TMIGD2: variants seen among roughly 807,000 people sequenced by gnomAD.
The protein encoded by TMIGD2 is transmembrane and immunoglobulin domain containing 2, also known as transmembrane and immunoglobulin domain-containing protein 2.
TMIGD2 carries 18 observed loss-of-function variants against 22.6 expected under a neutral mutation model. The observed-to-expected ratio is 0.80, with a 90% CI of 0.55 to 1.18. TMIGD2 has a LOEUF of 1.18. TMIGD2 is among the 50% of genes most tolerant of loss of function. TMIGD2 has a pLI of 0.00. For synonymous variants in TMIGD2, 184 were observed against 154.1 expected, an observed-to-expected ratio of 1.19 and a Z score of -1.44; for missense variants, 361 against 378.2, an observed-to-expected ratio of 0.95 and a Z score of 0.38.
chr19:4,298,958 A>G (rs1467116578), intron 1 of TMIGD2, among the ~76,000 whole-genome samples: 2 of 152,124 alleles, frequency 1.3e-5, no homozygotes, highest in Non-Finnish European at 2.9e-5. Context: ...AGGCATGACC[A>G]AAACAGATGA....
At chr19:4,298,154 C>A (rs1190320330) in exon 2 of TMIGD2, 2 of 1,613,274 alleles carry the variant, frequency 1.2e-6, no homozygotes, top group Non-Finnish European at 1.7e-6. Context: ...GGCCCGCAGA[C>A]CCCCAGGCTG....
intron 4 of TMIGD2, among the ~76,000 whole-genome samples, chr19:4,294,136 T>C (rs8103814): frequency 0.2 from 29,598 of 149,680 alleles, 4,111 homozygotes; most frequent in African/African-American, 0.4. Context: ...GGCGCGATCT[T>C]GGCTCACTGC....
rs1361272986 is a variant in TMIGD2 at position 4,300,790 on chromosome 19, G to A, written c.46+1550C>T. ...GTGCCTGGCGTGTTGGAGGAACAGC[G>A]AGGAGGCCCGTGTGGCTGGAGCAGA... On this transcript the variant is annotated intron_variant, in intron 1 of 4. Coordinates refer to ENST00000301272, the Ensembl canonical transcript of TMIGD2. Among the ~76,000 whole-genome samples the A allele has an allele frequency of 3.9e-5, 6 of 152,202 alleles. No homozygotes were observed. The East Asian group carries it at 1.2e-3, about 29-fold the overall frequency.
chr19:4,292,660 GGA>G lies in TMIGD2; in HGVS notation c.786_787del (p.Pro263Ter). On this transcript the variant is annotated frameshift_variant, in exon 5 of 5. Coordinates refer to ENST00000301272, the Ensembl canonical transcript of TMIGD2. LOFTEE classifies it low-confidence loss of function (END_TRUNC). ...CGGCTGCTGGGTGGGGCTTGGTCTA[GGA>G]GAGACCCTGACCATAGAGACGGGGT... 1.2e-6 allele frequency: 2 copies of G among 1,609,912 alleles called. No individual in the cohort carries two copies. Among genetic ancestry groups the G allele is most frequent in the Non-Finnish European group, 1.7e-6 (2 of 1,178,764 alleles).
intron 2 of TMIGD2, among the ~76,000 whole-genome samples, chr19:4,296,875 C>T (rs945050443): frequency 6.6e-5 from 10 of 152,172 alleles, no homozygotes; most frequent in Non-Finnish European, 1.3e-4. Context: ...TTGGGTTTCC[C>T]GATTCTGCCC....
Position 4,294,560 on chromosome 19 carries a change from C to G in TMIGD2, c.562+7G>C, listed in dbSNP as rs1288554932. On this transcript the variant is annotated splice_region_variant and intron_variant, in intron 4 of 4. Coordinates refer to ENST00000301272, the Ensembl canonical transcript of TMIGD2. The stretch of plus-strand genomic sequence containing the variant: ...GTTCCCACCTCCTCCGCCCTACCCT[C>G]CCTTACCTGGGCTGTTACCTGAGTC... 1 of 1,611,606 alleles carries G rather than the reference C, an allele frequency of 6.2e-7. No homozygotes were observed. Among genetic ancestry groups the G allele is most frequent in the Non-Finnish European group, 8.5e-7 (1 of 1,179,004 alleles).
chr19:4,294,759 A>G lies in TMIGD2; in HGVS notation c.448+16T>C. On this transcript the variant is annotated intron_variant, in intron 3 of 4. Transcript: ENST00000301272. ...GGGTGGAAGACGCTGGGGGAGGAAC[A>G]CAGGGCAGGGCTCACCTGGGAAGCT... 6.3e-7 allele frequency: 1 copy of G among 1,584,912 alleles called. No homozygotes were observed. The highest frequency in any genetic ancestry group is 8.6e-7 in the Non-Finnish European group (1 of 1,166,128).
exon 2 of TMIGD2, chr19:4,298,304 T>C (rs753560357): frequency 1.2e-6 from 2 of 1,602,424 alleles, no homozygotes; most frequent in East Asian, 4.5e-5. Context: ...TGCAGCAAGT[T>C]GGGCCCCTGC....
In TMIGD2 at chr19:4,297,469, A is replaced by G. The variant is rs151133673; in HGVS notation, c.406+517T>C. On this transcript the variant is annotated intron_variant, in intron 2 of 4. Coordinates refer to ENST00000301272, the Ensembl canonical transcript of TMIGD2. ...ACTGCAGCCTCCAGCTCCTGGGCTC[A>G]GGTGATCCTCTTGCCTTAGCCTCCC... 2.6e-3 allele frequency among the ~76,000 whole-genome samples: 397 copies of G among 152,290 alleles called. 1 individual carries two copies. The highest frequency in any genetic ancestry group is 9.2e-3 in the African/African-American group (383 of 41,586).
chr19:4,293,642 G>A (rs1482281298), intron 4 of TMIGD2, among the ~76,000 whole-genome samples: 1 of 151,486 alleles, frequency 6.6e-6, no homozygotes, highest in Non-Finnish European at 1.5e-5. Flanking sequence ...TGTCACCCAG[G>A]CTGGAGTACA....
rs770054378 is a variant in TMIGD2 at position 4,294,760 on chromosome 19, C to A, written c.448+15G>T. On this transcript the variant is annotated intron_variant, in intron 3 of 4. Coordinates refer to ENST00000301272, the Ensembl canonical transcript of TMIGD2. ...GGTGGAAGACGCTGGGGGAGGAACA[C>A]AGGGCAGGGCTCACCTGGGAAGCTT... is the stretch of plus-strand genomic sequence containing the variant. 6.3e-7 allele frequency: 1 copy of A among 1,583,098 alleles called. No homozygotes were observed. The highest frequency in any genetic ancestry group is 1.2e-5 in the South Asian group (1 of 85,838).
intron 1 of TMIGD2, among the ~76,000 whole-genome samples, chr19:4,301,498 C>T (rs560010966): frequency 8.8e-4 from 134 of 152,312 alleles, no homozygotes; most frequent in Non-Finnish European, 8.1e-4. Context: ...GAAACCCCGT[C>T]TCTACTAAAA....
intron 4 of TMIGD2, among the ~76,000 whole-genome samples, chr19:4,293,312 T>C (rs1042498872): frequency 7.1e-6 from 1 of 140,378 alleles, no homozygotes; most frequent in African/African-American, 2.8e-5. Context: ...GGCTGGAGTG[T>C]AGCAGCGGTG....
At chr19:4,299,641 C>T (rs1008027551) in intron 1 of TMIGD2, among the ~76,000 whole-genome samples, 2 of 151,834 alleles carry the variant, frequency 1.3e-5, no homozygotes, top group Non-Finnish European at 2.9e-5. Context: ...AATCCCTGTA[C>T]TTTGGGAAGT....
chr19:4,297,761 G>A (rs1253955716), intron 2 of TMIGD2, among the ~76,000 whole-genome samples: 4 of 151,726 alleles, frequency 2.6e-5, no homozygotes, highest in Admixed American at 6.6e-5. Flanking sequence ...AGGCTGAGGC[G>A]GGAGAATCGC....
intron 2 of TMIGD2, among the ~76,000 whole-genome samples, chr19:4,296,620 C>T (rs1177569013): frequency 6.6e-6 from 1 of 152,170 alleles, no homozygotes; most frequent in Non-Finnish European, 1.5e-5. Context: ...ACCCCGCCTC[C>T]TCTAATTGCT....
At chr19:4,302,220 A>C in intron 1 of TMIGD2, 120 bp downstream of exon 1, 1 of 1,041,922 alleles carries the variant, frequency 9.6e-7, no homozygotes, top group Non-Finnish European at 1.4e-6. Flanking sequence ...TCTCGGAGGG[A>C]GATGGGCCTT....
chr19:4,292,941 G>A, intron 4 of TMIGD2, 56 bp from the exon 5 acceptor site: 2 of 1,592,038 alleles, frequency 1.3e-6, no homozygotes, highest in South Asian at 2.3e-5. Flanking sequence ...GCCCTCTCCA[G>A]CTGACCTCTG....
intron 2 of TMIGD2, among the ~76,000 whole-genome samples, chr19:4,296,389 A>C (rs751169835): frequency 2.6e-5 from 4 of 152,226 alleles, no homozygotes; most frequent in Non-Finnish European, 5.9e-5. Context: ...TGTATAATTT[A>C]CAGGAACCCC....
Sources: allele counts gnomAD v4.1 joint callset (sites outside exome capture counted in the v4.1 genomes callset), GRCh38; gene constraint gnomAD v4.1.1; transcripts MANE v1.5; gene names NCBI Gene and HGNC (gene_info 2026-07-23, HGNC 2026-07-21).